PALLD: variants seen among roughly 807,000 people sequenced by gnomAD.
PALLD encodes palladin, cytoskeletal associated protein.
A neutral mutation model predicts 123.5 loss-of-function variants in PALLD; 61 were observed. That is an observed-to-expected ratio of 0.49 (90% confidence interval 0.40 to 0.61). PALLD has a LOEUF of 0.61. Ranked by LOEUF, PALLD falls within the 20% of genes least tolerant of loss-of-function variation. The pLI is 0.00. For missense variants in PALLD, 1,273 were observed against 1,377.0 expected (o/e 0.92, Z 1.20); for synonymous variants, 465 against 496.4 (o/e 0.94, Z 0.84).
chr4:168,870,865 A>G (rs943568076), intron 10 of PALLD, among the ~76,000 whole-genome samples: 4 of 152,202 alleles, frequency 2.6e-5, no homozygotes, highest in African/African-American at 9.7e-5. Flanking sequence ...CTTTATTTCT[A>G]AGAATACTCT....
chr4:168,809,122 A>C (rs1248485132), intron 10 of PALLD, among the ~76,000 whole-genome samples: 1 of 152,104 alleles, frequency 6.6e-6, no homozygotes, highest in Admixed American at 6.5e-5. Flanking sequence ...CATTCACTTT[A>C]CAGGGAATGG....
intron 1 of PALLD, among the ~76,000 whole-genome samples, chr4:168,499,180 CAAAAA>C (rs1157137965): frequency 4.3e-4 from 7 of 16,380 alleles, no homozygotes; most frequent in Admixed American, 1.1e-3. Flanking sequence ...CCCTTTGTAG[CAAAAA>C]AAAAAAAAAA....
At position 168,925,250 on chromosome 4, in the gene PALLD, T is replaced by C. The variant is rs1162196673; in HGVS notation, c.*4T>C. On this transcript the variant is annotated 3_prime_UTR_variant, in exon 21 of 22. Coordinates refer to ENST00000505667, the MANE Select transcript of PALLD (RefSeq NM_001166108.2). ...ATTTGTAGTTTCTCGACATTAATAG[T>C]GAACCACACCAGGAGAACAAATACC... 4 of 1,608,920 alleles carry C rather than the reference T, an allele frequency of 2.5e-6. No individual in the cohort carries two copies. The highest frequency in any genetic ancestry group is 3.4e-6 in the Non-Finnish European group (4 of 1,175,350).
At position 168,511,701 on chromosome 4, in the gene PALLD, A is replaced by G. The variant is rs759870924; in HGVS notation, c.197A>G (p.Gln66Arg). 6.2e-7 allele frequency: 1 copy of G among 1,614,212 alleles called. No homozygotes were observed. Among genetic ancestry groups the G allele is most frequent in the East Asian group, 2.2e-5 (1 of 44,876 alleles). ...TTTGACTCGGAAAAGGAGATCTCGCAGATTTTCAGTACTTCTCCTGCAAGC... is the reference window on the plus strand; with the variant it reads ...TTTGACTCGGAAAAGGAGATCTCGCGGATTTTCAGTACTTCTCCTGCAAGC... ...EDFDSEKEIS[Q>R]IFSTSPASLC... Residue 66 changes from glutamine to arginine, a missense_variant, in exon 2 of 22, where the codon CAG becomes CGG. Gln to Arg is a conservative substitution (Grantham distance 43). Coordinates refer to ENST00000505667, the MANE Select transcript of PALLD (RefSeq NM_001166108.2).
At chr4:168,804,326 C>A (rs1206038643) in intron 10 of PALLD, among the ~76,000 whole-genome samples, 2 of 152,224 alleles carry the variant, frequency 1.3e-5, no homozygotes, top group African/African-American at 4.8e-5. Context: ...AAACCAGCTG[C>A]TTTTTCACCT....
intron 10 of PALLD, among the ~76,000 whole-genome samples, chr4:168,719,145 AC>A (rs1437440620): frequency 6.7e-6 from 1 of 149,190 alleles, no homozygotes; most frequent in Non-Finnish European, 1.5e-5. Flanking sequence ...CGACCTCGTG[AC>A]CCACCCGTCT....
At chr4:168,824,025 A>G (rs1270051726) in intron 10 of PALLD, among the ~76,000 whole-genome samples, 2 of 152,236 alleles carry the variant, frequency 1.3e-5, no homozygotes, top group Non-Finnish European at 2.9e-5. Flanking sequence ...ATGGAATAAT[A>G]ATGTTGCCAC....
chr4:168,804,465 C>T (rs558339718), intron 10 of PALLD, among the ~76,000 whole-genome samples: 3 of 152,332 alleles, frequency 2.0e-5, no homozygotes, highest in South Asian at 2.1e-4. Context: ...GACAGTTGTA[C>T]TTAAAGTCCC....
At chr4:168,510,542 G>A (rs1185207637) in intron 1 of PALLD, among the ~76,000 whole-genome samples, 2 of 152,002 alleles carry the variant, frequency 1.3e-5, no homozygotes, top group Admixed American at 1.3e-4. Context: ...CTGGATGAAG[G>A]GTCAGCAAAT....
rs149604119 is a variant in PALLD, at chr4:168,692,394, G to A, written c.1501+1102G>A. On this transcript the variant is annotated intron_variant, in intron 8 of 21. Transcript: ENST00000505667. ...GCAAGTCCCCCCACTTAATGTGTCAGTCATCACATCAAATACTGTAGTCAC... is the reference window on the plus strand; with the variant it reads ...GCAAGTCCCCCCACTTAATGTGTCAATCATCACATCAAATACTGTAGTCAC... Among the ~76,000 whole-genome samples the A allele has an allele frequency of 1.3e-3, 201 of 152,318 alleles. 1 individual carries two copies. The East Asian group carries it at 0.023, about 17-fold the overall frequency.
intron 2 of PALLD, among the ~76,000 whole-genome samples, chr4:168,606,412 G>C (rs1336354429): frequency 1.3e-5 from 2 of 152,158 alleles, no homozygotes; most frequent in African/African-American, 4.8e-5. Flanking sequence ...TGGTGGCTCA[G>C]GCCTGTAATC....
intron 10 of PALLD, among the ~76,000 whole-genome samples, chr4:168,872,652 C>T (rs971658112): frequency 2.6e-5 from 4 of 152,218 alleles, no homozygotes; most frequent in Non-Finnish European, 5.9e-5. Context: ...CAGTGCAATA[C>T]ATTCTCATTT....
chr4:168,555,356 T>C (rs1042843773), intron 2 of PALLD, among the ~76,000 whole-genome samples: 2 of 152,164 alleles, frequency 1.3e-5, no homozygotes, highest in African/African-American at 4.8e-5. Context: ...CATACCAGGT[T>C]CCAGCCTTTC....
At chr4:168,856,822 A>C (rs1474800435) in intron 10 of PALLD, among the ~76,000 whole-genome samples, 1 of 152,234 alleles carries the variant, frequency 6.6e-6, no homozygotes, top group Non-Finnish European at 1.5e-5. Flanking sequence ...CCAGTTAAGA[A>C]GTATATGAAT....
At chr4:168,828,289 C>T (rs1341585614) in intron 10 of PALLD, among the ~76,000 whole-genome samples, 2 of 152,102 alleles carry the variant, frequency 1.3e-5, no homozygotes, top group South Asian at 4.2e-4. Context: ...TTTGCTGCTA[C>T]ATGGAAATAA....
intron 2 of PALLD, among the ~76,000 whole-genome samples, chr4:168,552,758 C>T (rs781591934): frequency 1.3e-5 from 2 of 152,098 alleles, no homozygotes; most frequent in Non-Finnish European, 2.9e-5. Flanking sequence ...TCACTGCAAC[C>T]TCTGCCTCCC....
intron 10 of PALLD, among the ~76,000 whole-genome samples, chr4:168,876,045 C>T (rs1011596200): frequency 2.6e-5 from 4 of 152,190 alleles, no homozygotes; most frequent in African/African-American, 7.2e-5. Flanking sequence ...AGGGGAGCAG[C>T]GCCTTTGAGG....
intron 10 of PALLD, among the ~76,000 whole-genome samples, chr4:168,761,645 G>GTTTTTTTTTGTTTTTTTTTTTTTT (rs1732875430): frequency 1.1e-5 from 1 of 88,024 alleles, no homozygotes; most frequent in Non-Finnish European, 2.2e-5. Flanking sequence ...GTTGTTGTTT[G>GTTTTTTTTTGTTTTTTTTTTTTTT]TTTTTTTTTT....
At position 168,559,298 on chromosome 4, in the gene PALLD, T is replaced by C. The variant is rs186645150; in HGVS notation, c.908+46886T>C. On this transcript the variant is annotated intron_variant, in intron 2 of 21. Transcript: ENST00000505667. ...TAGCCAGCCAACGCCACAGCAAGAC[T>C]ATACACAAATAGAGAAGATCAGGTC... Among the ~76,000 whole-genome samples the C allele has an allele frequency of 9.9e-5, 15 of 152,246 alleles. No individual in the cohort carries two copies. The East Asian group carries it at 2.9e-3, about 29-fold the overall frequency.
Sources: allele counts gnomAD v4.1 joint callset (sites outside exome capture counted in the v4.1 genomes callset), GRCh38; gene constraint gnomAD v4.1.1; transcripts MANE v1.5; gene names NCBI Gene and HGNC (gene_info 2026-07-23, HGNC 2026-07-21).